Variants in ESYT3 observed in about 807,000 individuals in gnomAD.
ESYT3 encodes the protein extended synaptotagmin-3.
A neutral mutation model predicts 111.5 loss-of-function variants in ESYT3; 101 were observed. The ratio of observed to expected loss-of-function variants is 0.91; its 90% CI spans 0.77 to 1.07. ESYT3 has a LOEUF of 1.07. Among genes scored for constraint, ESYT3 ranks in the 50% least tolerant of loss-of-function variants. ESYT3 has a pLI of 0.00. For synonymous variants in ESYT3, 416 were observed against 446.8 expected, an observed-to-expected ratio of 0.93 and a Z score of 0.87; for missense variants, 1,097 against 1,109.4, an observed-to-expected ratio of 0.99 and a Z score of 0.16.
intron 8 of ESYT3, among the ~76,000 whole-genome samples, chr3:138,463,948 G>T (rs530932608): frequency 6.6e-6 from 1 of 152,206 alleles, no homozygotes; most frequent in African/African-American, 2.4e-5. Flanking sequence ...ACAGGGGCCA[G>T]GAGAAGGGAT....
Position 138,474,290 on chromosome 3 carries a change from G to T in ESYT3, c.2406G>T (p.Lys802Asn). 1 of 1,611,926 alleles carries T rather than the reference G, an allele frequency of 6.2e-7. No homozygotes were observed. The highest frequency in any genetic ancestry group is 2.2e-5 in the East Asian group (1 of 44,826). ...GTGTCTACTTGTTGCCAGAAAGGAA[G>T]TGGGCATGTCGTAAGAAGACTTCAG... is the stretch of plus-strand genomic sequence containing the variant. The part of the protein sequence containing the change: ...YVRVYLLPER[K>N]WACRKKTSVK... Residue 802 changes from lysine (K) to asparagine (N), a missense_variant, in exon 20 of 23, where the codon AAG (lysine) becomes AAT (asparagine). Transcript: ENST00000389567.
intron 1 of ESYT3, among the ~76,000 whole-genome samples, chr3:138,439,393 T>C (rs920539145): frequency 6.6e-6 from 1 of 152,114 alleles, no homozygotes; most frequent in African/African-American, 2.4e-5. Context: ...AGCCTGCTCC[T>C]GTGGGTTCTC....
At chr3:138,456,761 C>T (rs548524749) in intron 3 of ESYT3, among the ~76,000 whole-genome samples, 52 of 152,304 alleles carry the variant, frequency 3.4e-4, no homozygotes, top group African/African-American at 1.1e-3. Context: ...ACCCCACCCC[C>T]GGTCTGTGGG....
intron 19 of ESYT3, among the ~76,000 whole-genome samples, chr3:138,473,971 A>G (rs192505453): frequency 1.7e-4 from 26 of 152,366 alleles, no homozygotes; most frequent in Middle Eastern, 3.4e-3. Flanking sequence ...TCCAAGCATT[A>G]TAAAGATGCG....
chr3:138,443,096 C>G (rs2031278244), intron 1 of ESYT3, among the ~76,000 whole-genome samples: 1 of 152,176 alleles, frequency 6.6e-6, no homozygotes, highest in African/African-American at 2.4e-5. Flanking sequence ...TATTCCTTAG[C>G]AAAGAGTGAC....
intron 12 of ESYT3, 67 bp from the exon 13 acceptor site, chr3:138,468,588 T>C: frequency 6.5e-7 from 1 of 1,544,778 alleles, no homozygotes; most frequent in Non-Finnish European, 8.9e-7. Context: ...ATGAGTAGGC[T>C]TCTCCAAAAT....
rs1418909458 is a variant in ESYT3 at position 138,477,269 on chromosome 3, G to A, written c.*415G>A. On this transcript the variant is annotated 3_prime_UTR_variant, in exon 23 of 23. Transcript: ENST00000389567. ...AGGGGCTGGGGGAGGTCTGTTTCTG[G>A]AGCCACTACCAGCATTCCTGGGCAG... 3 of 156,320 alleles carry A rather than the reference G, an allele frequency of 1.9e-5. No homozygotes were observed. The highest frequency in any genetic ancestry group is 7.2e-5 in the African/African-American group (3 of 41,480). The allele number at this position is 156,320 out of a possible 1,614,324, so 9.7% of individuals were successfully genotyped here. A position where few individuals can be genotyped will look rare whatever the true frequency, so the allele number is the denominator to read the frequency against.
rs778675554 is a variant in ESYT3, at chr3:138,440,368, A to G, written c.327+5243A>G. On this transcript the variant is annotated intron_variant, in intron 1 of 22. Coordinates refer to ENST00000389567, the MANE Select transcript of ESYT3 (RefSeq NM_031913.5). This position sits in a 1 kb window ranked among gnomAD's most constrained non-coding sequence, Gnocchi z 4.2. ...GCTTACCTAGTGCTGAGAGCTTGAC[A>G]TTCTTTCTGTGGTTGGAGCAGCAGT... 6.6e-6 allele frequency among the ~76,000 whole-genome samples: 1 copy of G among 152,324 alleles called. No individual in the cohort carries two copies. The highest frequency in any genetic ancestry group is 3.4e-3 in the Middle Eastern group (1 of 294).
chr3:138,448,407 C>G (rs2031701954), intron 1 of ESYT3, among the ~76,000 whole-genome samples: 1 of 151,378 alleles, frequency 6.6e-6, no homozygotes, highest in Non-Finnish European at 1.5e-5. Flanking sequence ...TCCAGAAACA[C>G]ACCAAAGTAC....
chr3:138,455,468 C>T (rs1239654050), intron 3 of ESYT3, 140 bp downstream of exon 3: 6 of 668,074 alleles, frequency 9.0e-6, no homozygotes, highest in Non-Finnish European at 1.3e-5. Flanking sequence ...CACCCTCCCG[C>T]CACCACCTGC....
rs764319614 is a variant in ESYT3, at chr3:138,469,437, A to C, written c.1436A>C (p.Asn479Thr). The C allele has an allele frequency of 2.5e-6, 4 of 1,613,696 alleles. No individual in the cohort carries two copies. The highest frequency in any genetic ancestry group is 3.4e-6 in the Non-Finnish European group (4 of 1,179,620). ...TGTTATGGATTTGATTCCTCACAGA[A>C]CAAGGTCAGCAAAGACCCTTCTTCC... is the stretch of plus-strand genomic sequence containing the variant. Reference protein sequence around the residue: ...RAKKLSRFARNKVSKDPSSYV... With the variant: ...RAKKLSRFARTKVSKDPSSYV... Residue 479 changes from asparagine to threonine, a missense_variant and splice_region_variant, in exon 15 of 23, where the codon AAC (asparagine) becomes ACC (threonine). Physicochemically the swap from Asn to Thr is moderately conservative, Grantham distance 65 (BLOSUM62 0). Transcript: ENST00000389567.
At chr3:138,442,885 C>G (rs1265048993) in intron 1 of ESYT3, among the ~76,000 whole-genome samples, 1 of 152,212 alleles carries the variant, frequency 6.6e-6, no homozygotes, top group Non-Finnish European at 1.5e-5. Flanking sequence ...TGCCCATTCA[C>G]TGTGGTCTTA....
At chr3:138,458,642 G>C (rs897583304) in intron 4 of ESYT3, among the ~76,000 whole-genome samples, 11 of 152,242 alleles carry the variant, frequency 7.2e-5, no homozygotes, top group African/African-American at 2.7e-4. Flanking sequence ...TGGGCTCCCT[G>C]TGCCCATCAC....
At chr3:138,474,438 A>G (rs1576470822) in intron 20 of ESYT3, 86 bp downstream of exon 20, 1 of 1,443,242 alleles carries the variant, frequency 6.9e-7, no homozygotes, top group African/African-American at 1.4e-5. Flanking sequence ...AGCCTGCCAG[A>G]TGCTGGAAGG....
intron 1 of ESYT3, among the ~76,000 whole-genome samples, chr3:138,443,473 T>C (rs2031304102): frequency 6.6e-6 from 1 of 152,196 alleles, no homozygotes; most frequent in Non-Finnish European, 1.5e-5. Flanking sequence ...GCAGCTGATC[T>C]TGGGAAGACA....
In ESYT3 at chr3:138,470,888, TGAC is replaced by T. The variant is rs778028419; in HGVS notation, c.1603_1605del (p.Asp535del). On this transcript the variant is annotated inframe_deletion, in exon 17 of 23. Transcript: ENST00000389567. ...GGACCACTGCCCAGGTGCTTGATGA[TGAC>T]CAGGAGTGTGCTCTGGGAATGCTGG... 1.6e-5 allele frequency: 26 copies of T among 1,614,012 alleles called. No individual in the cohort carries two copies. In the Admixed American group the frequency reaches 2.5e-4, roughly 16 times the overall value.
chr3:138,473,548 C>T lies in ESYT3; in HGVS notation c.2250C>T (p.Leu750=), dbSNP rs2108630462. 1 of 1,613,466 alleles carries T rather than the reference C, an allele frequency of 6.2e-7. No homozygotes were observed. Among genetic ancestry groups the T allele is most frequent in the Admixed American group, 1.7e-5 (1 of 60,006 alleles). ...TCTTTCTTTACAGAGGTGGGGACCT[C>T]AGGCGACGGCAGCTGGGTGAGATTC... ...DISLNIEGGD[L]RRRQLGEIQL... is the part of the protein sequence containing the mutation. The change falls in exon 19 of 23, where the codon CTC becomes CTT. Residue 750 remains leucine, a synonymous_variant. Transcript: ENST00000389567.
At chr3:138,458,207 C>T (rs958710771) in intron 4 of ESYT3, among the ~76,000 whole-genome samples, 17 of 152,300 alleles carry the variant, frequency 1.1e-4, no homozygotes, top group Admixed American at 3.3e-4. Flanking sequence ...TGTTGCCATT[C>T]CTTTCCCATG....
intron 6 of ESYT3, among the ~76,000 whole-genome samples, chr3:138,460,397 T>G (rs2032558282): frequency 6.6e-6 from 1 of 152,174 alleles, no homozygotes; most frequent in African/African-American, 2.4e-5. Flanking sequence ...AGCTGAGGCC[T>G]GGGCCCTCGA....
Sources: allele counts gnomAD v4.1 joint callset (sites outside exome capture counted in the v4.1 genomes callset), GRCh38; gene constraint gnomAD v4.1.1; non-coding constraint Gnocchi (gnomAD v3.1); transcripts MANE v1.5; gene names NCBI Gene and HGNC (gene_info 2026-07-23, HGNC 2026-07-21).